SBNO1: variants seen among roughly 807,000 people sequenced by gnomAD.
SBNO1 encodes the protein strawberry notch homolog 1.
SBNO1 carries 23 observed loss-of-function variants against 173.6 expected under a neutral mutation model. The ratio of observed to expected loss-of-function variants is 0.13; its 90% CI spans 0.10 to 0.19. The LOEUF is 0.19. Among genes scored for constraint, SBNO1 ranks in the 10% least tolerant of loss-of-function variants. The pLI is 1.00. For synonymous variants in SBNO1, 632 were observed against 571.5 expected (o/e 1.11, Z -1.51); for missense variants, 1,238 against 1,671.2 (o/e 0.74, Z 4.52).
intron 30 of SBNO1, among the ~76,000 whole-genome samples, chr12:123,302,543 C>T (rs1238553750): frequency 2.0e-5 from 3 of 152,106 alleles, no homozygotes; most frequent in Non-Finnish European, 2.9e-5. Flanking sequence ...CACACCCAGC[C>T]GTGAAAAAGC....
intron 1 of SBNO1, among the ~76,000 whole-genome samples, chr12:123,362,675 A>G (rs574799191): frequency 6.8e-6 from 1 of 147,730 alleles, no homozygotes; most frequent in African/African-American, 2.5e-5. Flanking sequence ...AGACTGAGGC[A>G]GGAGAATTGT....
rs574457030 is a variant in SBNO1 at position 123,327,983 on chromosome 12, A to G, written c.1341T>C (p.Val447=). The G allele has an allele frequency of 3.9e-5, 63 of 1,613,252 alleles. 1 individual carries two copies. The South Asian group carries it at 6.8e-4, about 17-fold the overall frequency. ...CTGTCTTGGTTGGCTTTGAAGAACC[A>G]ACAGGACATAAGTTTTTGGCTTTAT... ...ECHKAKNLCP[V]GSSKPTKTGL... Residue 447 remains valine (V), a synonymous_variant, in exon 11 of 32, where the codon GTT becomes GTC. Coordinates refer to ENST00000602398, the MANE Select transcript of SBNO1 (RefSeq NM_001167856.3).
At chr12:123,357,457 A>G (rs1171367950) in intron 1 of SBNO1, among the ~76,000 whole-genome samples, 1 of 150,338 alleles carries the variant, frequency 6.7e-6, no homozygotes, top group Admixed American at 6.6e-5. Flanking sequence ...TCAAAACAAC[A>G]AACAGTCAGG....
Position 123,323,846 on chromosome 12 carries a change from C to T in SBNO1, c.1974-15G>A, listed in dbSNP as rs1870290074. 2 of 1,570,774 alleles carry T rather than the reference C, an allele frequency of 1.3e-6. No individual in the cohort carries two copies. Among genetic ancestry groups the T allele is most frequent in the South Asian group, 2.4e-5 (2 of 82,004 alleles). On this transcript the variant is annotated splice_polypyrimidine_tract_variant and intron_variant, in intron 15 of 31. Transcript: ENST00000602398. ...GCAACACACCTCTGTAGGAGAGAAACAGTGACAATTACTGCTTCAGTTGAC... is the reference window on the plus strand; with the variant it reads ...GCAACACACCTCTGTAGGAGAGAAATAGTGACAATTACTGCTTCAGTTGAC...
chr12:123,332,385 G>C (rs952120792), intron 7 of SBNO1, among the ~76,000 whole-genome samples: 1 of 151,424 alleles, frequency 6.6e-6, no homozygotes, highest in Non-Finnish European at 1.5e-5. Flanking sequence ...TCCGCCTCCT[G>C]AGTTCAAGTG....
chr12:123,309,480 T>C lies in SBNO1; in HGVS notation c.3537+9A>G. On this transcript the variant is annotated intron_variant, in intron 27 of 31. Transcript: ENST00000602398. ...GAAGACGATACTTCACAACATTTTC[T>C]AAACTTACTGTGTATAATTCTACGT... The C allele has an allele frequency of 1.2e-6, 2 of 1,609,212 alleles. No homozygotes were observed. Among genetic ancestry groups the C allele is most frequent in the Non-Finnish European group, 1.7e-6 (2 of 1,175,484 alleles).
chr12:123,336,593 A>C lies in SBNO1; in HGVS notation c.652-102T>G, dbSNP rs181437413. 361 of 700,638 alleles carry C rather than the reference A, an allele frequency of 5.2e-4. No individual in the cohort carries two copies. In the African/African-American group the frequency reaches 5.8e-3, roughly 11 times the overall value. 43.4% of individuals were successfully genotyped at this position (700,638 alleles called of 1,614,324 possible). A position where few individuals can be genotyped will look rare whatever the true frequency, so the allele number is the denominator to read the frequency against. On this transcript the variant is annotated intron_variant, in intron 5 of 31. Transcript: ENST00000602398. The stretch of plus-strand genomic sequence containing the variant: ...GTAGGAACACCTACAAATTTCCATC[A>C]TGGAAACATGACGCGCCACCTCAAT...
At chr12:123,340,406 C>G (rs1352163258) in intron 5 of SBNO1, among the ~76,000 whole-genome samples, 5 of 151,686 alleles carry the variant, frequency 3.3e-5, no homozygotes, top group African/African-American at 9.7e-5. Context: ...CATGGTGAAA[C>G]CCCATTTCTA....
At chr12:123,315,228 TTC>T (rs1215087828) in intron 23 of SBNO1, 143 bp downstream of exon 23, 2 of 627,150 alleles carry the variant, frequency 3.2e-6, no homozygotes, top group Non-Finnish European at 5.6e-6. Context: ...ACATGTGAAA[TTC>T]TGTCTTATAG....
rs528397587 is a variant in SBNO1, at chr12:123,362,009, C to T, written c.-1+2692G>A. ...CGAAAATTAGCCGGGCATGGTGGCA[C>T]GCGCCTGTAGTCCCAGCTATTTGGG... On this transcript the variant is annotated intron_variant, in intron 1 of 31. Transcript: ENST00000602398. Among the ~76,000 whole-genome samples, 18 of 151,176 alleles carry T rather than the reference C, an allele frequency of 1.2e-4. No individual in the cohort carries two copies. The South Asian group carries it at 3.6e-3, about 30-fold the overall frequency.
In SBNO1 at chr12:123,331,206, C is replaced by T. The variant is rs779855331; in HGVS notation, c.1043+36G>A. The stretch of plus-strand genomic sequence containing the variant: ...CTCGATCTCCTAACCTCGTGATCCG[C>T]TGCGCCTGGCCCACAGCCAGTTTTT... On this transcript the variant is annotated intron_variant, in intron 8 of 31. Coordinates refer to ENST00000602398, the MANE Select transcript of SBNO1 (RefSeq NM_001167856.3). 5.0e-6 allele frequency: 8 copies of T among 1,607,968 alleles called. No individual in the cohort carries two copies. The South Asian group carries it at 7.7e-5, about 15-fold the overall frequency.
chr12:123,359,498 G>A lies in SBNO1; in HGVS notation c.-1+5203C>T, dbSNP rs570039689. Among the ~76,000 whole-genome samples, 9 of 149,576 alleles carry A rather than the reference G, an allele frequency of 6.0e-5. No homozygotes were observed. The South Asian group carries it at 1.9e-3, about 32-fold the overall frequency. On this transcript the variant is annotated intron_variant, in intron 1 of 31. Coordinates refer to ENST00000602398, the MANE Select transcript of SBNO1 (RefSeq NM_001167856.3). ...AATCACTTGAACCCAGGAGGTGGAG[G>A]TTGCCAAGATCGCACTCGTGCACTC...
chr12:123,311,201 G>C (rs1868452419), intron 24 of SBNO1, 72 bp from the exon 25 acceptor site: 1 of 1,127,704 alleles, frequency 8.9e-7, no homozygotes, highest in Non-Finnish European at 1.3e-6. Flanking sequence ...AGTGAGAAAA[G>C]TATGTTGTAA....
At chr12:123,312,203 G>C (rs926638914) in intron 24 of SBNO1, among the ~76,000 whole-genome samples, 3 of 151,742 alleles carry the variant, frequency 2.0e-5, no homozygotes, top group African/African-American at 7.3e-5. Flanking sequence ...GCCTCCCAAA[G>C]TGCTGGGATT....
chr12:123,295,967 G>C lies in SBNO1; in HGVS notation c.4123C>G (p.Gln1375Glu). The change falls in exon 32 of 32, where the codon CAG (glutamine) becomes GAG (glutamate). Residue 1375 changes from glutamine (Q) to glutamate (E), a missense_variant. Physicochemically the swap from Gln to Glu is conservative, Grantham distance 29 (BLOSUM62 2). Coordinates refer to ENST00000602398, the MANE Select transcript of SBNO1 (RefSeq NM_001167856.3). ...TGATGCTGTTGCCATAGCTGTTTCT[G>C]TTGGACCGCAAGCTGTTGAGACTGG... ...SDQSQQLAVQ[Q>E]KQLWQQHHPQ... is the part of the protein sequence containing the mutation. The C allele has an allele frequency of 6.2e-7, 1 of 1,613,598 alleles. No homozygotes were observed. Among genetic ancestry groups the C allele is most frequent in the Non-Finnish European group, 8.5e-7 (1 of 1,179,508 alleles).
intron 20 of SBNO1, 102 bp from the exon 21 acceptor site, chr12:123,317,458 T>C (rs781613833): frequency 9.9e-7 from 1 of 1,010,200 alleles, no homozygotes; most frequent in Non-Finnish European, 1.5e-6. Flanking sequence ...TCTCCTTCTT[T>C]CTCAATAATG....
At chr12:123,343,190 G>A (rs1941043673) in intron 4 of SBNO1, among the ~76,000 whole-genome samples, 2 of 152,064 alleles carry the variant, frequency 1.3e-5, no homozygotes, top group Non-Finnish European at 2.9e-5. Context: ...CCGAGGTCGC[G>A]CCATTGCACT....
chr12:123,315,513 T>C (rs1431740714), intron 22 of SBNO1, 35 bp downstream of exon 22: 2 of 1,578,456 alleles, frequency 1.3e-6, no homozygotes, highest in Non-Finnish European at 1.7e-6. Context: ...CAATAGATCA[T>C]CATTTACACA....
chr12:123,361,001 T>C (rs1439953315), intron 1 of SBNO1, among the ~76,000 whole-genome samples: 5 of 152,020 alleles, frequency 3.3e-5, no homozygotes, highest in African/African-American at 1.2e-4. Context: ...ATCCCAGCAC[T>C]TTGGAAGGCC....
Sources: gnomAD v4.1 joint callset for allele counts (sites outside exome capture counted in the v4.1 genomes callset) on GRCh38, gnomAD v4.1.1 for gene constraint, MANE v1.5 for transcripts, NCBI Gene and HGNC (gene_info 2026-07-23, HGNC 2026-07-21) for gene names.